Variants in USO1 observed in about 807,000 individuals in gnomAD.
USO1 encodes USO1 vesicle transport factor, also known as general vesicular transport factor p115.
Under a neutral mutation model 124.5 loss-of-function variants are expected in USO1, and 57 were observed. The ratio of observed to expected loss-of-function variants is 0.46; its 90% CI spans 0.37 to 0.57. The LOEUF is 0.57. Among genes scored for constraint, USO1 ranks in the 20% least tolerant of loss-of-function variants. The pLI is 0.00. For synonymous variants in USO1, 369 were observed against 362.8 expected (o/e 1.02, Z -0.19); for missense variants, 900 against 1,040.6 (o/e 0.86, Z 1.86).
intron 11 of USO1, 98 bp from the exon 12 acceptor site, chr4:75,790,545 C>G (rs2149181452): frequency 1.4e-6 from 2 of 1,469,062 alleles, no homozygotes; most frequent in South Asian, 1.5e-5. Flanking sequence ...TGCTGGTGTT[C>G]TGGTTATGAT....
At chr4:75,725,259 C>T (rs7662940) in intron 1 of USO1, among the ~76,000 whole-genome samples, 135,895 of 152,212 alleles carry the variant, frequency 0.89, 60,717 homozygotes, top group African/African-American at 0.93. Context: ...CTCTTTCGCT[C>T]GTCTGCACTG....
At chr4:75,771,878 AAAATT>A (rs1193118696) in intron 7 of USO1, among the ~76,000 whole-genome samples, 1 of 152,264 alleles carries the variant, frequency 6.6e-6, no homozygotes, top group Non-Finnish European at 1.5e-5. Context: ...AGCAATTAGA[AAAATT>A]AAATTCTGGA....
intron 4 of USO1, among the ~76,000 whole-genome samples, chr4:75,766,265 A>G (rs1721767525): frequency 6.6e-6 from 1 of 152,180 alleles, no homozygotes; most frequent in African/African-American, 2.4e-5. Context: ...AATACTTATT[A>G]ATGATAACCT....
intron 9 of USO1, among the ~76,000 whole-genome samples, chr4:75,784,584 G>T (rs917000053): frequency 3.3e-5 from 5 of 152,114 alleles, no homozygotes; most frequent in Admixed American, 3.3e-4. Flanking sequence ...GGAGCCCAAG[G>T]CAGGTGGGGA....
At chr4:75,812,869 G>A (rs1488019355) in intron 23 of USO1, among the ~76,000 whole-genome samples, 1 of 152,122 alleles carries the variant, frequency 6.6e-6, no homozygotes, top group African/African-American at 2.4e-5. Context: ...CTAGCACTTT[G>A]GGGGGCTGAG....
chr4:75,725,859 T>A (rs1560429597), intron 1 of USO1, among the ~76,000 whole-genome samples: 2 of 152,348 alleles, frequency 1.3e-5, no homozygotes, highest in East Asian at 3.9e-4. Flanking sequence ...AGCTTTCATT[T>A]GTCAGGCTCT....
chr4:75,804,382 A>G, intron 18 of USO1, 110 bp downstream of exon 18: 2 of 1,405,848 alleles, frequency 1.4e-6, no homozygotes, highest in Admixed American at 3.1e-5. Flanking sequence ...AACCTTAATC[A>G]TGGTGACAAA....
At chr4:75,745,430 C>A in intron 1 of USO1, 1 of 497,586 alleles carries the variant, frequency 2.0e-6, no homozygotes, top group Non-Finnish European at 4.0e-6. Context: ...TCTTGCAGTC[C>A]CTGTAGTTCG....
At chr4:75,767,600 CG>C (rs1721801515) in intron 4 of USO1, 1 of 281,534 alleles carries the variant, frequency 3.6e-6, no homozygotes. Context: ...AAAAATTAGC[CG>C]GGCGTGGTAG....
chr4:75,762,226 A>G (rs1349683148), intron 4 of USO1, among the ~76,000 whole-genome samples: 2 of 126,778 alleles, frequency 1.6e-5, no homozygotes, highest in Non-Finnish European at 3.1e-5. Context: ...GCTAGGGTGC[A>G]GTGGCACAGT....
chr4:75,729,404 A>G (rs1012936724), intron 1 of USO1, among the ~76,000 whole-genome samples: 1 of 151,960 alleles, frequency 6.6e-6, no homozygotes, highest in Non-Finnish European at 1.5e-5. Context: ...CAGTGACGTA[A>G]TCTCGGCTCA....
At chr4:75,751,843 A>T (rs1721305169) in intron 1 of USO1, among the ~76,000 whole-genome samples, 3 of 149,574 alleles carry the variant, frequency 2.0e-5, no homozygotes, top group Non-Finnish European at 1.5e-5. Context: ...AAAAAAAAAA[A>T]TTTTTTTTTT....
rs554584255 is a variant in USO1, at chr4:75,725,055, A to C, written c.66+170A>C. ...CCTGAAATCCCAGAGTTATTCAATC[A>C]CGCCCCCAGCTCAGTCCCCATTGCT... On this transcript the variant is annotated intron_variant, in intron 1 of 23. Coordinates refer to ENST00000514213, the MANE Select transcript of USO1 (RefSeq NM_003715.4). 6.2e-4 allele frequency: 452 copies of C among 727,124 alleles called. 1 individual carries two copies. In the African/African-American group the frequency reaches 7.4e-3, roughly 12 times the overall value. 45.0% of individuals were successfully genotyped at this position (727,124 alleles called of 1,614,324 possible).
intron 8 of USO1, among the ~76,000 whole-genome samples, chr4:75,775,211 AG>A (rs1722040241): frequency 1.3e-5 from 2 of 152,158 alleles, no homozygotes; most frequent in Non-Finnish European, 2.9e-5. Context: ...TAGGAGAGCT[AG>A]TTAATTATTG....
chr4:75,734,028 C>T (rs538525641), intron 1 of USO1, among the ~76,000 whole-genome samples: 35 of 149,224 alleles, frequency 2.3e-4, no homozygotes, highest in African/African-American at 8.4e-4. Context: ...TCACTGCAAC[C>T]TCTGCCTCCC....
At chr4:75,737,153 A>C (rs4262008) in intron 1 of USO1, among the ~76,000 whole-genome samples, 5 of 152,070 alleles carry the variant, frequency 3.3e-5, no homozygotes, top group African/African-American at 4.8e-5. Flanking sequence ...GCTGAATGCT[A>C]TCTCACTACT....
rs372969338 is a variant in USO1, at chr4:75,729,039, G to T, written c.66+4154G>T. On this transcript the variant is annotated intron_variant, in intron 1 of 23. Transcript: ENST00000514213. The stretch of plus-strand genomic sequence containing the variant: ...TCTCGATCTCCTGACTTCGTGATCC[G>T]CCTGCCTTGGCCTCCCAAAGTGCTG... Among the ~76,000 whole-genome samples, 4 of 152,204 alleles carry T rather than the reference G, an allele frequency of 2.6e-5. No homozygotes were observed. In the East Asian group the frequency reaches 5.8e-4, roughly 22 times the overall value.
Position 75,771,084 on chromosome 4 carries a change from GT to G in USO1, c.505del (p.Ser169GlnfsTer3). 1 of 1,611,514 alleles carries G rather than the reference GT, an allele frequency of 6.2e-7. No homozygotes were observed. The highest frequency in any genetic ancestry group is 8.5e-7 in the Non-Finnish European group (1 of 1,179,226). On this transcript the variant is annotated frameshift_variant, in exon 7 of 24. Coordinates refer to ENST00000514213, the MANE Select transcript of USO1 (RefSeq NM_003715.4). LOFTEE classifies it high-confidence loss of function. ...QQIILVSPMG[V>X]SRLMDLLADS... ...TTTCACATGGTTGTATGTTCTAGGTGTTTCAAGATTGATGGACTTACTAGCG... is the reference window on the plus strand; with the variant it reads ...TTTCACATGGTTGTATGTTCTAGGTGTTCAAGATTGATGGACTTACTAGCG...
intron 18 of USO1, among the ~76,000 whole-genome samples, chr4:75,804,669 G>A (rs1722945019): frequency 6.6e-6 from 1 of 152,192 alleles, no homozygotes; most frequent in African/African-American, 2.4e-5. Context: ...AGCTGATTAA[G>A]AATGACCGCT....
Sources: allele counts gnomAD v4.1 joint callset (sites outside exome capture counted in the v4.1 genomes callset), GRCh38; gene constraint gnomAD v4.1.1; transcripts MANE v1.5; gene names NCBI Gene and HGNC (gene_info 2026-07-23, HGNC 2026-07-21).